CDK5RAP2: variants seen among roughly 807,000 people sequenced by gnomAD.
CDK5RAP2 encodes the protein CDK5 regulatory subunit associated protein 2.
CDK5RAP2 carries 147 observed loss-of-function variants against 232.9 expected under a neutral mutation model. That is an observed-to-expected ratio of 0.63 (90% CI 0.55 to 0.72). The LOEUF (loss-of-function observed/expected upper bound fraction) is 0.72, where lower values mean the gene tolerates loss of function less well. Ranked by LOEUF, CDK5RAP2 falls within the 30% of genes least tolerant of loss-of-function variation. The pLI is 0.00. For synonymous variants in CDK5RAP2, 833 were observed against 833.7 expected, an observed-to-expected ratio of 1.00 and a Z score of 0.01; for missense variants, 2,195 against 2,231.5, an observed-to-expected ratio of 0.98 and a Z score of 0.33.
chr9:120,531,901 A>T (rs1418959225), intron 7 of CDK5RAP2, among the ~76,000 whole-genome samples: 1 of 152,256 alleles, frequency 6.6e-6, no homozygotes, highest in Non-Finnish European at 1.5e-5. Context: ...TAGGGGCTCA[A>T]CTTTGAAATC....
At chr9:120,559,377 A>C (rs528083564) in intron 3 of CDK5RAP2, among the ~76,000 whole-genome samples, 17 of 151,238 alleles carry the variant, frequency 1.1e-4, no homozygotes, top group Admixed American at 1.3e-4. Context: ...GTCCTAGCCA[A>C]GCGGGAGGCT....
intron 27 of CDK5RAP2, among the ~76,000 whole-genome samples, chr9:120,417,537 G>T (rs1421604998): frequency 2.0e-5 from 3 of 152,210 alleles, no homozygotes; most frequent in Non-Finnish European, 4.4e-5. Context: ...TGTGAGAAGG[G>T]GACATAAATG....
chr9:120,461,041 A>T (rs1056751817), intron 18 of CDK5RAP2, among the ~76,000 whole-genome samples: 3 of 152,262 alleles, frequency 2.0e-5, no homozygotes, highest in Non-Finnish European at 2.9e-5. Flanking sequence ...AAGTAACAAG[A>T]TTTTGGAAAA....
intron 3 of CDK5RAP2, among the ~76,000 whole-genome samples, chr9:120,552,450 CCAA>C (rs1306735115): frequency 2.0e-5 from 3 of 152,088 alleles, no homozygotes; most frequent in Non-Finnish European, 4.4e-5. Flanking sequence ...AGCCAAATGT[CCAA>C]CAACGATAGA....
In CDK5RAP2 at chr9:120,569,600, A is replaced by G. The variant is rs922109681; in HGVS notation, c.128-1212T>C. Among the ~76,000 whole-genome samples, 3 of 152,346 alleles carry G rather than the reference A, an allele frequency of 2.0e-5. No individual in the cohort carries two copies. In the East Asian group the frequency reaches 5.8e-4, roughly 29 times the overall value. On this transcript the variant is annotated intron_variant, in intron 2 of 37. Transcript: ENST00000349780. Reference sequence around the variant, plus strand: ...GGTCTGGGGAACAGTCAAGAGGCCAATAGGCTGGAGCTCAATAAACAAAGG... The same window carrying G: ...GGTCTGGGGAACAGTCAAGAGGCCAGTAGGCTGGAGCTCAATAAACAAAGG...
chr9:120,427,067 G>A (rs1490754266), intron 25 of CDK5RAP2, among the ~76,000 whole-genome samples: 1 of 152,114 alleles, frequency 6.6e-6, no homozygotes, highest in Non-Finnish European at 1.5e-5. Context: ...TTTTAATTTT[G>A]GTTGATGTAT....
chr9:120,474,979 T>A (rs1034224092), intron 15 of CDK5RAP2, among the ~76,000 whole-genome samples: 15 of 152,186 alleles, frequency 9.9e-5, no homozygotes, highest in African/African-American at 3.1e-4. Flanking sequence ...CATGATGAAA[T>A]ATTGAGACAT....
intron 14 of CDK5RAP2, among the ~76,000 whole-genome samples, chr9:120,482,097 A>G (rs1384737245): frequency 6.6e-6 from 1 of 152,226 alleles, no homozygotes; most frequent in African/African-American, 2.4e-5. Flanking sequence ...GAGTCCACTA[A>G]GCTAGTAACT....
chr9:120,446,601 C>T (rs1317674118), intron 22 of CDK5RAP2, among the ~76,000 whole-genome samples: 1 of 152,154 alleles, frequency 6.6e-6, no homozygotes, highest in African/African-American at 2.4e-5. Flanking sequence ...TCCAATCTTA[C>T]CAAGTAAAAG....
In CDK5RAP2 at chr9:120,547,853, G is replaced by A. The variant is rs114848155; in HGVS notation, c.307-2063C>T. 8.7e-3 allele frequency among the ~76,000 whole-genome samples: 1,332 copies of A among 152,306 alleles called. 20 individuals carry two copies. Among genetic ancestry groups the A allele is most frequent in the African/African-American group, 0.03 (1,243 of 41,570 alleles). ...CGTCACAGAAACTTACCAAGCACCT[G>A]TGATGGACCAACCACAGAAGACACT... On this transcript the variant is annotated intron_variant, in intron 4 of 37. Transcript: ENST00000349780.
At chr9:120,539,289 T>C in intron 5 of CDK5RAP2, 125 bp from the exon 6 acceptor site, 2 of 1,159,686 alleles carry the variant, frequency 1.7e-6, no homozygotes, top group Non-Finnish European at 2.5e-6. Context: ...AGCTTCTTTT[T>C]CTTTAGCTTA....
At chr9:120,489,699 T>C (rs1244819937) in intron 13 of CDK5RAP2, among the ~76,000 whole-genome samples, 1 of 152,220 alleles carries the variant, frequency 6.6e-6, no homozygotes. Flanking sequence ...CCAAAGGAGT[T>C]ATAGCCCTGA....
chr9:120,411,589 T>C, intron 28 of CDK5RAP2, 115 bp from the exon 29 acceptor site: 1 of 690,412 alleles, frequency 1.4e-6, no homozygotes, highest in Non-Finnish European at 2.6e-6. Context: ...TGAAAATCCC[T>C]CCTGTTAACT....
At chr9:120,413,022 T>A (rs950477771) in intron 28 of CDK5RAP2, among the ~76,000 whole-genome samples, 3 of 152,178 alleles carry the variant, frequency 2.0e-5, no homozygotes, top group African/African-American at 7.2e-5. Context: ...TAAGTCTCCA[T>A]TAACTCAATA....
intron 34 of CDK5RAP2, 101 bp downstream of exon 34, chr9:120,402,705 C>T: frequency 7.4e-7 from 1 of 1,342,520 alleles, no homozygotes; most frequent in Non-Finnish European, 1.1e-6. Flanking sequence ...TCCCTCTTCT[C>T]AGGGTCCTAA....
At chr9:120,429,664 T>C (rs200335766) in intron 25 of CDK5RAP2, among the ~76,000 whole-genome samples, 61 of 152,158 alleles carry the variant, frequency 4.0e-4, no homozygotes, top group African/African-American at 1.2e-3. Flanking sequence ...GAATCAATAT[T>C]GTGAAAATGG....
At chr9:120,527,635 G>A (rs972308896) in intron 10 of CDK5RAP2, among the ~76,000 whole-genome samples, 171 bp downstream of exon 10, 2 of 152,060 alleles carry the variant, frequency 1.3e-5, no homozygotes, top group Admixed American at 6.5e-5. Context: ...GGACAGCACT[G>A]GATTAGACAC....
intron 3 of CDK5RAP2, among the ~76,000 whole-genome samples, chr9:120,566,717 G>A (rs888249699): frequency 1.3e-5 from 2 of 152,202 alleles, no homozygotes; most frequent in African/African-American, 4.8e-5. Context: ...ACCGGCCACA[G>A]GGCACCCAGG....
intron 7 of CDK5RAP2, among the ~76,000 whole-genome samples, chr9:120,531,913 T>A (rs538778752): frequency 2.0e-5 from 3 of 152,290 alleles, no homozygotes; most frequent in East Asian, 3.9e-4. Flanking sequence ...TTTGAAATCG[T>A]CACATAATCA....
Sources: allele counts gnomAD v4.1 joint callset (sites outside exome capture counted in the v4.1 genomes callset), GRCh38; gene constraint gnomAD v4.1.1; transcripts MANE v1.5; gene names NCBI Gene and HGNC (gene_info 2026-07-23, HGNC 2026-07-21).